SNTG1: variants seen among roughly 807,000 people sequenced by gnomAD.
SNTG1 encodes gamma-1-syntrophin.
SNTG1 carries 39 observed loss-of-function variants against 74.7 expected under a neutral mutation model. That is an observed-to-expected ratio of 0.52 (90% CI 0.40 to 0.68). The LOEUF is 0.68. Among genes scored for constraint, SNTG1 ranks in the 30% least tolerant of loss-of-function variants. The pLI is 0.00. For synonymous variants in SNTG1, 254 were observed against 217.1 expected, an observed-to-expected ratio of 1.17 and a Z score of -1.49; for missense variants, 685 against 609.5, an observed-to-expected ratio of 1.12 and a Z score of -1.30.
At chr8:50,260,679 G>C (rs570758629) in intron 2 of SNTG1, among the ~76,000 whole-genome samples, 4 of 149,280 alleles carry the variant, frequency 2.7e-5, no homozygotes, top group Non-Finnish European at 5.9e-5. Context: ...CGTGTTAAGA[G>C]CTAATGGAAA....
chr8:50,470,623 G>A (rs77828828), intron 8 of SNTG1, among the ~76,000 whole-genome samples: 1 of 152,158 alleles, frequency 6.6e-6, no homozygotes, highest in Non-Finnish European at 1.5e-5. Context: ...GCTTCGCAGT[G>A]AGTGTTACAG....
chr8:49,972,417 A>G (rs1199178530), intron 1 of SNTG1, among the ~76,000 whole-genome samples: 2 of 152,214 alleles, frequency 1.3e-5, no homozygotes, highest in Admixed American at 6.5e-5. Context: ...AAAACCCTAG[A>G]AGAAAACCTA....
chr8:50,622,606 C>T (rs2094930322), intron 13 of SNTG1, among the ~76,000 whole-genome samples: 1 of 151,866 alleles, frequency 6.6e-6, no homozygotes, highest in South Asian at 2.1e-4. Flanking sequence ...TTATATTTTA[C>T]CAATGACATT....
intron 2 of SNTG1, among the ~76,000 whole-genome samples, chr8:50,324,103 T>G (rs2090639562): frequency 6.6e-6 from 1 of 152,182 alleles, no homozygotes; most frequent in Admixed American, 6.5e-5. Flanking sequence ...CCAGAGCCCT[T>G]CAGCCTATGA....
At chr8:50,762,428 T>C (rs1373491388) in intron 18 of SNTG1, 2 of 256,404 alleles carry the variant, frequency 7.8e-6, no homozygotes, top group Non-Finnish European at 1.6e-5. Context: ...TCTTAAAGTA[T>C]GGTGGACATA....
chr8:50,265,327 A>T (rs2087409168), intron 2 of SNTG1, among the ~76,000 whole-genome samples: 1 of 152,152 alleles, frequency 6.6e-6, no homozygotes, highest in Admixed American at 6.5e-5. Flanking sequence ...TTAACATTTT[A>T]AAATCAATAA....
In SNTG1 at chr8:50,593,870, A is replaced by G. The variant is rs148800419; in HGVS notation, c.849+2953A>G. Among the ~76,000 whole-genome samples, 235 of 152,064 alleles carry G rather than the reference A, an allele frequency of 1.5e-3. 1 individual carries two copies. The highest frequency in any genetic ancestry group is 5.4e-3 in the African/African-American group (225 of 41,480). On this transcript the variant is annotated intron_variant, in intron 13 of 18. Coordinates refer to ENST00000642720, the MANE Select transcript of SNTG1 (RefSeq NM_018967.5). ...GCAGCTGGGATTACAGGCATGCACC[A>G]CCACGCCTGGATAATTTTTGTATTT...
intron 3 of SNTG1, among the ~76,000 whole-genome samples, chr8:50,398,645 G>A (rs570842369): frequency 3.3e-5 from 5 of 152,166 alleles, no homozygotes; most frequent in African/African-American, 1.2e-4. Flanking sequence ...GTAAATACGA[G>A]GCCGAGCGCG....
At chr8:50,041,051 C>G (rs574566145) in intron 1 of SNTG1, among the ~76,000 whole-genome samples, 12 of 152,090 alleles carry the variant, frequency 7.9e-5, no homozygotes, top group African/African-American at 2.9e-4. Context: ...CATGTTCCAC[C>G]ATGCCCGGCT....
chr8:49,938,603 T>TCTTTTCTTTTCTTTCTTTCTTTCTTTC lies in SNTG1; in HGVS notation c.-103+26372_-103+26373insCTTTTCTTTTCTTTCTTTCTTTCTTTC, dbSNP rs1808347084. ...TTTTCTTTTCTTTTCTTTTCTTTTCTTTTCTTTCTTTCTTTCTTTCTTTCT... is the reference window on the plus strand; with the variant it reads ...TTTTCTTTTCTTTTCTTTTCTTTTCTCTTTTCTTTTCTTTCTTTCTTTCTTTCTTTCTTTCTTTCTTTCTTTCTTTCT... On this transcript the variant is annotated intron_variant, in intron 1 of 18. Coordinates refer to ENST00000642720, the MANE Select transcript of SNTG1 (RefSeq NM_018967.5). 2.5e-3 allele frequency among the ~76,000 whole-genome samples: 189 copies of TCTTTTCTTTTCTTTCTTTCTTTCTTTC among 74,766 alleles called. 7 individuals carry two copies. Among genetic ancestry groups the TCTTTTCTTTTCTTTCTTTCTTTCTTTC allele is most frequent in the African/African-American group, 8.2e-3 (182 of 22,138 alleles). 49.0% of individuals were successfully genotyped at this position (74,766 alleles called of 152,430 possible).
intron 1 of SNTG1, among the ~76,000 whole-genome samples, chr8:50,123,097 G>A (rs1478559493): frequency 1.4e-5 from 2 of 141,906 alleles, no homozygotes; most frequent in Non-Finnish European, 3.1e-5. Context: ...AATCTTAGAT[G>A]CATTTGAGAC....
intron 2 of SNTG1, among the ~76,000 whole-genome samples, chr8:50,208,745 A>C (rs2131891153): frequency 6.6e-6 from 1 of 152,272 alleles, no homozygotes; most frequent in South Asian, 2.1e-4. Context: ...GAGCTTTTGT[A>C]AGGCAGGCCT....
chr8:50,742,882 C>T (rs1051395076), intron 17 of SNTG1, among the ~76,000 whole-genome samples: 1 of 151,578 alleles, frequency 6.6e-6, no homozygotes, highest in Non-Finnish European at 1.5e-5. Context: ...GATTAAGAGA[C>T]AATTTTATGA....
intron 13 of SNTG1, among the ~76,000 whole-genome samples, chr8:50,654,540 C>T (rs1175858682): frequency 6.6e-6 from 1 of 152,076 alleles, no homozygotes; most frequent in Non-Finnish European, 1.5e-5. Flanking sequence ...ATCTGAAATG[C>T]CTAAATATTC....
intron 17 of SNTG1, among the ~76,000 whole-genome samples, chr8:50,747,117 T>G (rs1019955615): frequency 1.1e-4 from 17 of 151,842 alleles, no homozygotes; most frequent in African/African-American, 4.1e-4. Flanking sequence ...ATGAATTTCA[T>G]TATAAAACTA....
At chr8:50,713,467 A>T (rs993622146) in intron 17 of SNTG1, among the ~76,000 whole-genome samples, 2 of 152,022 alleles carry the variant, frequency 1.3e-5, no homozygotes, top group African/African-American at 4.8e-5. Flanking sequence ...GTTCACTCTG[A>T]TGATAGTTTC....
intron 1 of SNTG1, among the ~76,000 whole-genome samples, chr8:50,076,310 C>T (rs1821884404): frequency 6.6e-6 from 1 of 152,016 alleles, no homozygotes; most frequent in African/African-American, 2.4e-5. Context: ...AAAAAAAAAC[C>T]TGAATTCTTT....
intron 1 of SNTG1, among the ~76,000 whole-genome samples, chr8:50,019,020 T>C (rs967048254): frequency 6.6e-6 from 1 of 151,892 alleles, no homozygotes; most frequent in Non-Finnish European, 1.5e-5. Flanking sequence ...AAAATAGAGA[T>C]AGAAAGTAGA....
chr8:50,082,859 T>C (rs1417017986), intron 1 of SNTG1, among the ~76,000 whole-genome samples: 1 of 152,166 alleles, frequency 6.6e-6, no homozygotes, highest in Non-Finnish European at 1.5e-5. Flanking sequence ...TTTGACTATC[T>C]GACTTCTACA....
Sources: allele counts gnomAD v4.1 joint callset (sites outside exome capture counted in the v4.1 genomes callset), GRCh38; gene constraint gnomAD v4.1.1; transcripts MANE v1.5; gene names NCBI Gene and HGNC (gene_info 2026-07-23, HGNC 2026-07-21).